The following FLT1 variants were observed in gnomAD, a reference collection of about 807,000 sequenced individuals.
FLT1 encodes fms related receptor tyrosine kinase 1.
In FLT1, 49 loss-of-function variants were observed where a neutral mutation model predicts 156.3. That is an observed-to-expected ratio of 0.31 (90% confidence interval 0.25 to 0.40). FLT1 has a LOEUF of 0.40. FLT1 is among the 10% of genes least tolerant of loss of function. The pLI, the probability that FLT1 is intolerant of heterozygous loss-of-function variation, is 1.00. For synonymous variants in FLT1, 594 were observed against 583.8 expected (o/e 1.02, Z -0.25); for missense variants, 1,322 against 1,637.2 (o/e 0.81, Z 3.32).
chr13:28,480,997 T>G (rs1880806499), intron 1 of FLT1, among the ~76,000 whole-genome samples: 1 of 152,208 alleles, frequency 6.6e-6, no homozygotes, highest in Non-Finnish European at 1.5e-5. Flanking sequence ...GCAGGTCACC[T>G]AGCCAGTACC....
At chr13:28,427,639 G>T in intron 9 of FLT1, 113 bp downstream of exon 9, 1 of 967,236 alleles carries the variant, frequency 1.0e-6, no homozygotes, top group Non-Finnish European at 1.7e-6. Flanking sequence ...TTTTTCAAAT[G>T]ATTATTTGAA....
intron 12 of FLT1, 23 bp from the exon 13 acceptor site, chr13:28,390,127 T>G (rs201974766): frequency 6.2e-7 from 1 of 1,608,134 alleles, no homozygotes; most frequent in Non-Finnish European, 8.5e-7. Flanking sequence ...AATAAAGAAC[T>G]TCAGTTCACA....
chr13:28,377,879 T>C (rs776486353), intron 14 of FLT1, among the ~76,000 whole-genome samples: 33 of 152,352 alleles, frequency 2.2e-4, no homozygotes, highest in Non-Finnish European at 4.0e-4. Flanking sequence ...AGACTTAATC[T>C]TTAATTTACC....
At chr13:28,370,598 C>T (rs1191901028) in intron 14 of FLT1, among the ~76,000 whole-genome samples, 2 of 152,218 alleles carry the variant, frequency 1.3e-5, no homozygotes, top group African/African-American at 2.4e-5. Flanking sequence ...TCTTTGTGCG[C>T]TTTCACTGTG....
chr13:28,443,729 A>G (rs1033873553), intron 3 of FLT1, among the ~76,000 whole-genome samples: 11 of 152,212 alleles, frequency 7.2e-5, no homozygotes, highest in Non-Finnish European at 1.5e-4. Context: ...AGATCTTCAT[A>G]TTGTGGACCG....
intron 10 of FLT1, among the ~76,000 whole-genome samples, chr13:28,410,738 T>C (rs1876114559): frequency 6.6e-6 from 1 of 152,240 alleles, no homozygotes; most frequent in African/African-American, 2.4e-5. Flanking sequence ...TTGCCTCAAT[T>C]AGTTCTCACA....
chr13:28,342,946 T>TTCTC (rs61022115), intron 16 of FLT1, among the ~76,000 whole-genome samples: 20,490 of 142,930 alleles, frequency 0.14, 1,502 homozygotes, highest in Admixed American at 0.22. Context: ...CTTTCTTTCT[T>TTCTC]TCTCTCTCTC....
intron 1 of FLT1, among the ~76,000 whole-genome samples, chr13:28,491,223 T>TCTC (rs1461225573): frequency 6.6e-6 from 1 of 152,214 alleles, no homozygotes; most frequent in Non-Finnish European, 1.5e-5. Flanking sequence ...CTTAGAAATG[T>TCTC]CTCGATCATT....
chr13:28,349,467 C>T (rs985432735), intron 15 of FLT1, among the ~76,000 whole-genome samples: 5 of 151,088 alleles, frequency 3.3e-5, no homozygotes, highest in Non-Finnish European at 7.4e-5. Context: ...CACATGCGCA[C>T]ACGCACACAC....
At chr13:28,371,109 G>A (rs1241897626) in intron 14 of FLT1, among the ~76,000 whole-genome samples, 1 of 152,074 alleles carries the variant, frequency 6.6e-6, no homozygotes, top group East Asian at 1.9e-4. Flanking sequence ...AGTAATAAAA[G>A]CAAGTCTTAA....
intron 10 of FLT1, among the ~76,000 whole-genome samples, chr13:28,424,169 C>T (rs1877185659): frequency 6.6e-6 from 1 of 151,800 alleles, no homozygotes; most frequent in Non-Finnish European, 1.5e-5. Context: ...AAACTCCCGA[C>T]CTCAGGTGAT....
chr13:28,435,471 C>T (rs1397886235), intron 4 of FLT1, among the ~76,000 whole-genome samples: 2 of 152,152 alleles, frequency 1.3e-5, no homozygotes, highest in Admixed American at 6.5e-5. Flanking sequence ...TCCCAACTAC[C>T]ACTATTCCTT....
At chr13:28,434,647 C>T (rs753613300) in intron 4 of FLT1, among the ~76,000 whole-genome samples, 3 of 152,172 alleles carry the variant, frequency 2.0e-5, no homozygotes, top group Non-Finnish European at 4.4e-5. Flanking sequence ...CTTTGGGAGG[C>T]CGAGGTGGGC....
At chr13:28,386,798 A>G in intron 13 of FLT1, 1 of 1,053,240 alleles carries the variant, frequency 9.5e-7, no homozygotes, top group Non-Finnish European at 1.1e-6. Flanking sequence ...TCATATTATT[A>G]TTTAGTCGCT....
rs111356472 is a variant in FLT1 at position 28,477,555 on chromosome 13, C to T, written c.65-9938G>A. Among the ~76,000 whole-genome samples the T allele has an allele frequency of 2.9e-3, 447 of 152,310 alleles. 1 individual carries two copies. The highest frequency in any genetic ancestry group is 0.01 in the African/African-American group (436 of 41,572). Reference sequence around the variant, plus strand: ...CACGAGACATAACTCGTAAAATACTCGGTAGAGAAGTCTGGTAGACCTTCG... The same window carrying T: ...CACGAGACATAACTCGTAAAATACTTGGTAGAGAAGTCTGGTAGACCTTCG... On this transcript the variant is annotated intron_variant, in intron 1 of 29. Coordinates refer to ENST00000282397, the MANE Select transcript of FLT1 (RefSeq NM_002019.4).
chr13:28,440,579 G>T (rs1203480461), intron 3 of FLT1, among the ~76,000 whole-genome samples: 1 of 152,158 alleles, frequency 6.6e-6, no homozygotes, highest in East Asian at 1.9e-4. Flanking sequence ...TTCTGAAAAA[G>T]GGCTGAACAC....
At chr13:28,313,523 G>C (rs2138816476) in intron 25 of FLT1, among the ~76,000 whole-genome samples, 1 of 152,296 alleles carries the variant, frequency 6.6e-6, no homozygotes, top group South Asian at 2.1e-4. Context: ...ACCTGAATGG[G>C]CTCCGAATTT....
At position 28,412,321 on chromosome 13, in the gene FLT1, C is replaced by CT. The variant is rs879299987; in HGVS notation, c.1437-6428dup. Among the ~76,000 whole-genome samples, 354 of 42,464 alleles carry CT rather than the reference C, an allele frequency of 8.3e-3. 12 individuals carry two copies. In the East Asian group the frequency reaches 0.17, roughly 20 times the overall value. The allele number at this position is 42,464 out of a possible 152,430, so 27.9% of individuals were successfully genotyped here. A position where few individuals can be genotyped will look rare whatever the true frequency, so the allele number is the denominator to read the frequency against. On this transcript the variant is annotated intron_variant, in intron 10 of 29. Transcript: ENST00000282397. ...TTTTTCTCTTTCTCTTTCTTTCTTTCTTTCTTTCTTTTCTTTCTTTCTTTC... is the reference window on the plus strand; with the variant it reads ...TTTTTCTCTTTCTCTTTCTTTCTTTCTTTTCTTTCTTTTCTTTCTTTCTTTC...
intron 1 of FLT1, among the ~76,000 whole-genome samples, chr13:28,485,823 C>T (rs949595263): frequency 2.6e-5 from 4 of 152,160 alleles, no homozygotes; most frequent in Admixed American, 6.5e-5. Context: ...GAAGCCCCGG[C>T]CAGGCTACTG....
Sources: allele counts gnomAD v4.1 joint callset (sites outside exome capture counted in the v4.1 genomes callset), GRCh38; gene constraint gnomAD v4.1.1; transcripts MANE v1.5; gene names NCBI Gene and HGNC (gene_info 2026-07-23, HGNC 2026-07-21).